The following CTNNA2 variants were observed in gnomAD, a reference collection of about 807,000 sequenced individuals.
CTNNA2 encodes the protein catenin alpha 2.
A neutral mutation model predicts 101.0 loss-of-function variants in CTNNA2; 42 were observed. That is an observed-to-expected ratio of 0.42 (90% CI 0.32 to 0.54). The LOEUF is 0.54. Among genes scored for constraint, CTNNA2 ranks in the 20% least tolerant of loss-of-function variants. The probability of loss-of-function intolerance (pLI) is 0.14; values close to 1 mark genes in which losing one functional copy is unlikely to be tolerated. For synonymous variants in CTNNA2, 450 were observed against 456.4 expected (o/e 0.99, Z 0.18); for missense variants, 871 against 1,223.1 (o/e 0.71, Z 4.29).
chr2:79,879,256 T>A (rs1286504711), intron 6 of CTNNA2, among the ~76,000 whole-genome samples: 2 of 152,216 alleles, frequency 1.3e-5, no homozygotes, highest in African/African-American at 4.8e-5. Flanking sequence ...GCATGATGCC[T>A]CTAGCTTTGT....
chr2:79,293,029 T>C (rs1177958501), intron 2 of CTNNA2: 12 of 152,260 alleles, frequency 7.9e-5, no homozygotes, highest in Admixed American at 7.2e-4. Context: ...TTTGTCACAT[T>C]TTCATCTCTT....
chr2:79,480,477 A>G (rs1465137155), intron 4 of CTNNA2, among the ~76,000 whole-genome samples: 1 of 152,164 alleles, frequency 6.6e-6, no homozygotes, highest in Non-Finnish European at 1.5e-5. Context: ...ATTATCTTCT[A>G]TTATCCCTTA....
At chr2:79,736,352 A>T (rs1348529883) in intron 2 of CTNNA2, among the ~76,000 whole-genome samples, 1 of 152,242 alleles carries the variant, frequency 6.6e-6, no homozygotes, top group Admixed American at 6.5e-5. Context: ...TGCTAAAGGA[A>T]TAAATCAGGT....
upstream of CTNNA2, among the ~76,000 whole-genome samples, chr2:79,512,223 T>A (rs1160575205): frequency 7.2e-5 from 11 of 152,172 alleles, no homozygotes; most frequent in Non-Finnish European, 5.9e-5. Flanking sequence ...GGACGAACAT[T>A]TTTGGATATC....
In CTNNA2 at chr2:79,254,047, C is replaced by T. The variant is rs904531196; in HGVS notation, c.-406+55971C>T. 4.6e-5 allele frequency among the ~76,000 whole-genome samples: 7 copies of T among 152,276 alleles called. No homozygotes were observed. The East Asian group carries it at 5.8e-4, about 13-fold the overall frequency. ...TGGCCTCAGATGGAACCGTCTCCCA[C>T]GGACTTTTTAAGTAAGATCAAGCAC... On this transcript the variant is annotated intron_variant, in intron 2 of 21. Coordinates refer to the CTNNA2 transcript ENST00000466387.
At chr2:79,568,022 C>T (rs1368803544) in intron 1 of CTNNA2, among the ~76,000 whole-genome samples, 1 of 152,084 alleles carries the variant, frequency 6.6e-6, no homozygotes, top group Non-Finnish European at 1.5e-5. Context: ...TTGTTTAATT[C>T]ATCATGTAAC....
At chr2:80,360,439 C>G (rs985661209) in intron 7 of CTNNA2, among the ~76,000 whole-genome samples, 4 of 151,886 alleles carry the variant, frequency 2.6e-5, no homozygotes, top group African/African-American at 9.7e-5. Context: ...GAGCAGTATA[C>G]TTTAGTAAGA....
Position 79,342,537 on chromosome 2 carries a change from T to C in CTNNA2, c.-318+29741T>C, listed in dbSNP as rs531542279. On this transcript the variant is annotated intron_variant, in intron 3 of 21. Coordinates refer to the CTNNA2 transcript ENST00000466387. Reference sequence around the variant, plus strand: ...TCCATCTTTGAAAGAAGACATAAAATGCAAATAATCCTGGAAGAGGAAATA... The same window carrying C: ...TCCATCTTTGAAAGAAGACATAAAACGCAAATAATCCTGGAAGAGGAAATA... Among the ~76,000 whole-genome samples the C allele has an allele frequency of 2.7e-4, 41 of 152,316 alleles. No homozygotes were observed. The South Asian group carries it at 6.0e-3, about 22-fold the overall frequency.
chr2:80,496,604 G>T (rs1392026114), intron 9 of CTNNA2, among the ~76,000 whole-genome samples: 1 of 151,766 alleles, frequency 6.6e-6, no homozygotes, highest in Admixed American at 6.6e-5. Context: ...TTCTGGTCAG[G>T]GTAAAGATGA....
chr2:79,827,955 C>A (rs1390061243), intron 3 of CTNNA2, among the ~76,000 whole-genome samples: 1 of 152,122 alleles, frequency 6.6e-6, no homozygotes, highest in East Asian at 1.9e-4. Flanking sequence ...TTTGTCTGGT[C>A]CACCTGAAAC....
intron 7 of CTNNA2, among the ~76,000 whole-genome samples, chr2:80,361,595 C>G (rs773815915): frequency 6.6e-6 from 1 of 152,102 alleles, no homozygotes; most frequent in African/African-American, 2.4e-5. Context: ...AAAAAAAGGA[C>G]ATTTTAAAAA....
chr2:80,048,146 C>G (rs1433102768), intron 7 of CTNNA2, among the ~76,000 whole-genome samples: 13 of 152,076 alleles, frequency 8.5e-5, no homozygotes, highest in Admixed American at 8.5e-4. Flanking sequence ...ACAACAACAA[C>G]AGAGTATCCA....
intron 2 of CTNNA2, among the ~76,000 whole-genome samples, chr2:79,265,567 C>G (rs1225168182): frequency 6.6e-6 from 1 of 152,250 alleles, no homozygotes; most frequent in African/African-American, 2.4e-5. Flanking sequence ...ACTAAATGAG[C>G]CACTCATCTG....
chr2:79,261,651 G>A (rs1245073309), intron 2 of CTNNA2, among the ~76,000 whole-genome samples: 1 of 152,204 alleles, frequency 6.6e-6, no homozygotes, highest in East Asian at 1.9e-4. Context: ...GAGCTCTGGT[G>A]TGTCTTCCTA....
At chr2:79,341,331 C>T (rs999550394) in intron 3 of CTNNA2, among the ~76,000 whole-genome samples, 3 of 152,136 alleles carry the variant, frequency 2.0e-5, no homozygotes, top group Non-Finnish European at 4.4e-5. Flanking sequence ...GGATATGGAA[C>T]ATTTTTCATG....
intron 3 of CTNNA2, among the ~76,000 whole-genome samples, chr2:79,843,386 C>A (rs2103856125): frequency 6.6e-6 from 1 of 152,336 alleles, no homozygotes; most frequent in East Asian, 1.9e-4. Context: ...ATGCTGGATT[C>A]ATACCTGGCC....
intron 18 of CTNNA2, among the ~76,000 whole-genome samples, chr2:80,633,619 T>G (rs912072322): frequency 6.6e-6 from 1 of 152,180 alleles, no homozygotes; most frequent in East Asian, 1.9e-4. Context: ...CAAAGAAGAC[T>G]GCATGTTCTA....
At chr2:79,872,497 T>C (rs149619065) in intron 5 of CTNNA2, among the ~76,000 whole-genome samples, 34 of 152,324 alleles carry the variant, frequency 2.2e-4, no homozygotes, top group Non-Finnish European at 3.8e-4. Context: ...GCCCAAATCA[T>C]TGCCCAGTAG....
intron 7 of CTNNA2, among the ~76,000 whole-genome samples, chr2:79,938,341 T>C (rs2104447941): frequency 6.6e-6 from 1 of 152,294 alleles, no homozygotes; most frequent in South Asian, 2.1e-4. Flanking sequence ...AAATGGAGTA[T>C]CAGAAACAGT....
Sources: allele counts gnomAD v4.1 joint callset (sites outside exome capture counted in the v4.1 genomes callset), GRCh38; gene constraint gnomAD v4.1.1; transcripts MANE v1.5; gene names NCBI Gene and HGNC (gene_info 2026-07-23, HGNC 2026-07-21).